The following CASTOR2 variants were observed in gnomAD, a reference collection of about 807,000 sequenced individuals.
The protein encoded by CASTOR2 is cytosolic arginine sensor for mTORC1 subunit 2.
Under a neutral mutation model 31.2 loss-of-function variants are expected in CASTOR2, and 8 were observed. That is an observed-to-expected ratio of 0.26 (90% confidence interval 0.15 to 0.46). CASTOR2 has a LOEUF of 0.46. Among genes scored for constraint, CASTOR2 ranks in the 20% least tolerant of loss-of-function variants. The probability of loss-of-function intolerance (pLI) is 0.99; values close to 1 mark genes in which losing one functional copy is unlikely to be tolerated. For missense variants in CASTOR2, 216 were observed against 382.1 expected (o/e 0.57, Z 3.62); for synonymous variants, 162 against 158.7 (o/e 1.02, Z -0.16).
Position 75,024,481 on chromosome 7 carries a change from G to A in CASTOR2, c.871G>A (p.Ala291Thr). ...IVAQISEPLAAADIPAYYIST... is the reference protein window; with the variant it reads ...IVAQISEPLATADIPAYYIST... ...GGCCCAGATCTCAGAGCCCTTGGCT[G>A]CTGCAGACATCCCAGCCTACTACAT... is the stretch of plus-strand genomic sequence containing the variant. The change falls in exon 8 of 9, where the codon GCT becomes ACT. Residue 291 changes from alanine to threonine, a missense_variant. Coordinates refer to ENST00000616305, the MANE Select transcript of CASTOR2 (RefSeq NM_001145064.3). The A allele has an allele frequency of 6.4e-7, 1 of 1,551,542 alleles. No individual in the cohort carries two copies. Among genetic ancestry groups the A allele is most frequent in the South Asian group, 1.2e-5 (1 of 84,052 alleles).
chr7:74,982,671 A>G (rs1803972807), intron 1 of CASTOR2, among the ~76,000 whole-genome samples: 1 of 82,130 alleles, frequency 1.2e-5, no homozygotes, highest in Non-Finnish European at 2.4e-5. Flanking sequence ...CCCTGTCTCT[A>G]CTAAAAATAC....
Position 75,028,091 on chromosome 7 carries a change from G to A in CASTOR2, c.*3392G>A. 6.6e-7 allele frequency: 1 copy of A among 1,526,282 alleles called. No homozygotes were observed. The highest frequency in any genetic ancestry group is 1.2e-5 in the South Asian group (1 of 82,666). The allele number at this position is 1,526,282 out of a possible 1,614,324, so 94.5% of individuals were successfully genotyped here. A position where few individuals can be genotyped will look rare whatever the true frequency, so the allele number is the denominator to read the frequency against. ...GATGGGGCAGGTGCCTGGCGGGGGA[G>A]GAAGAGGGCTCTCTATGATGTGGAA... On this transcript the variant is annotated 3_prime_UTR_variant, in exon 9 of 9. Transcript: ENST00000616305.
Position 75,026,335 on chromosome 7 carries a change from A to T in CASTOR2, c.*1636A>T, listed in dbSNP as rs1805131228. The stretch of plus-strand genomic sequence containing the variant: ...CTCCCAAGTAGCTGGGATTACAGGC[A>T]CGCACCACCACGTCTGGCTAGTTAT... On this transcript the variant is annotated 3_prime_UTR_variant, in exon 9 of 9. Coordinates refer to ENST00000616305, the MANE Select transcript of CASTOR2 (RefSeq NM_001145064.3). 6.6e-6 allele frequency among the ~76,000 whole-genome samples: 1 copy of T among 151,588 alleles called. No individual in the cohort carries two copies. The highest frequency in any genetic ancestry group is 1.5e-5 in the Non-Finnish European group (1 of 67,890).
intron 5 of CASTOR2, among the ~76,000 whole-genome samples, chr7:75,019,694 G>A (rs1340482001): frequency 6.6e-6 from 1 of 152,202 alleles, no homozygotes; most frequent in Non-Finnish European, 1.5e-5. Context: ...CAGACATTGT[G>A]TCACTTCCTC....
intron 2 of CASTOR2, among the ~76,000 whole-genome samples, chr7:75,011,723 G>GAGACTCCA (rs1804751499): frequency 1.1e-5 from 1 of 91,560 alleles, no homozygotes; most frequent in Admixed American, 1.2e-4. Context: ...CAACAGAGCT[G>GAGACTCCA]TCTCAAAAAA....
At chr7:75,003,736 G>A (rs1471806640) in intron 1 of CASTOR2, among the ~76,000 whole-genome samples, 1 of 151,718 alleles carries the variant, frequency 6.6e-6, no homozygotes, top group Non-Finnish European at 1.5e-5. Flanking sequence ...GTAACAGAGC[G>A]AGACTCCATC....
chr7:75,020,967 T>C (rs985595895), intron 6 of CASTOR2, among the ~76,000 whole-genome samples: 4 of 151,894 alleles, frequency 2.6e-5, no homozygotes, highest in African/African-American at 9.7e-5. Context: ...TGGCTAATTT[T>C]TGTATTTTTA....
chr7:74,975,886 C>T (rs1437734829), intron 1 of CASTOR2, among the ~76,000 whole-genome samples: 1 of 141,730 alleles, frequency 7.1e-6, no homozygotes, highest in Non-Finnish European at 1.5e-5. Context: ...AACCAACCCC[C>T]AAGGCCTGAA....
chr7:74,983,339 A>C (rs1457641935), intron 1 of CASTOR2, among the ~76,000 whole-genome samples: 3 of 149,802 alleles, frequency 2.0e-5, no homozygotes, highest in Non-Finnish European at 4.4e-5. Context: ...TTTTTTTTTT[A>C]ATCTGTGCTT....
At chr7:74,996,602 GA>G (rs1584467579) in intron 1 of CASTOR2, among the ~76,000 whole-genome samples, 1 of 149,868 alleles carries the variant, frequency 6.7e-6, no homozygotes, top group East Asian at 2.0e-4. Flanking sequence ...ACAGAAGGTT[GA>G]ATGAGCTTCT....
At position 75,021,743 on chromosome 7, in the gene CASTOR2, T is replaced by TG. The variant is rs1805010033; in HGVS notation, c.747-125dup. On this transcript the variant is annotated intron_variant, in intron 6 of 8. Coordinates refer to ENST00000616305, the MANE Select transcript of CASTOR2 (RefSeq NM_001145064.3). ...CAGGGTGTCTGGAAGGGATTGTTTT[T>TG]GGGGGGCCCTGAGGTCTGCCCAACC... 6.4e-6 allele frequency: 7 copies of TG among 1,093,284 alleles called. No homozygotes were observed. The South Asian group carries it at 6.7e-5, about 11-fold the overall frequency. The allele number at this position is 1,093,284 out of a possible 1,614,324, so 67.7% of individuals were successfully genotyped here. A position where few individuals can be genotyped will look rare whatever the true frequency, so the allele number is the denominator to read the frequency against.
At chr7:74,994,128 G>T (rs1192521728) in intron 1 of CASTOR2, among the ~76,000 whole-genome samples, 1 of 152,258 alleles carries the variant, frequency 6.6e-6, no homozygotes, top group African/African-American at 2.4e-5. Context: ...GATTGAAGAT[G>T]GGAATGTTCT....
At chr7:75,006,395 A>G (rs1193615473) in intron 1 of CASTOR2, among the ~76,000 whole-genome samples, 3 of 152,212 alleles carry the variant, frequency 2.0e-5, no homozygotes, top group African/African-American at 7.2e-5. Context: ...GAAAATTTTC[A>G]GGAATAAGTT....
chr7:74,974,497 C>T (rs1206576368), intron 1 of CASTOR2, among the ~76,000 whole-genome samples: 1 of 150,224 alleles, frequency 6.7e-6, no homozygotes, highest in Non-Finnish European at 1.5e-5. Flanking sequence ...AGGGACACAA[C>T]TGGAGTGGGT....
At position 74,997,138 on chromosome 7, in the gene CASTOR2, C is replaced by T. The variant is rs1448731647; in HGVS notation, c.114-10856C>T. 8.1e-3 allele frequency among the ~76,000 whole-genome samples: 1,225 copies of T among 151,614 alleles called. 18 individuals carry two copies. Among genetic ancestry groups the T allele is most frequent in the African/African-American group, 0.028 (1,163 of 41,294 alleles). On this transcript the variant is annotated intron_variant, in intron 1 of 8. Coordinates refer to ENST00000616305, the MANE Select transcript of CASTOR2 (RefSeq NM_001145064.3). The stretch of plus-strand genomic sequence containing the variant: ...CAATCATAGCTCATCACTGCAGCCT[C>T]GACCTCCTGGGCTCGAGCAATCCTC...
intron 1 of CASTOR2, among the ~76,000 whole-genome samples, chr7:74,985,541 A>T (rs2131924965): frequency 7.0e-6 from 1 of 142,162 alleles, no homozygotes; most frequent in African/African-American, 2.6e-5. Flanking sequence ...GCCAGTAATC[A>T]TGCACTCCAG....
intron 1 of CASTOR2, among the ~76,000 whole-genome samples, chr7:75,004,762 AT>A (rs1804570946): frequency 6.6e-6 from 1 of 151,112 alleles, no homozygotes; most frequent in Non-Finnish European, 1.5e-5. Flanking sequence ...TTTTCTTTAC[AT>A]TCAAGTTTAT....
intron 2 of CASTOR2, among the ~76,000 whole-genome samples, chr7:75,012,334 C>T (rs1191604448): frequency 0.012 from 1,796 of 152,236 alleles, 14 homozygotes; most frequent in Non-Finnish European, 0.02. Context: ...GAGGTAGTCT[C>T]GCTCTGTCCC....
intron 4 of CASTOR2, 76 bp from the exon 5 acceptor site, chr7:75,018,896 T>C: frequency 1.9e-6 from 3 of 1,551,020 alleles, no homozygotes; most frequent in Non-Finnish European, 2.6e-6. Context: ...CCCAGCCCTC[T>C]TCCCAGGCCC....
Sources: allele counts gnomAD v4.1 joint callset (sites outside exome capture counted in the v4.1 genomes callset), GRCh38; gene constraint gnomAD v4.1.1; transcripts MANE v1.5; gene names NCBI Gene and HGNC (gene_info 2026-07-23, HGNC 2026-07-21).